The following RNF214 variants were observed in gnomAD, a reference collection of about 807,000 sequenced individuals.
RNF214 encodes the protein ring finger protein 214.
RNF214 carries 25 observed loss-of-function variants against 75.9 expected under a neutral mutation model. The ratio of observed to expected loss-of-function variants is 0.33; its 90% CI spans 0.24 to 0.46. The LOEUF (loss-of-function observed/expected upper bound fraction) is 0.46, where lower values mean the gene tolerates loss of function less well. Among genes scored for constraint, RNF214 ranks in the 20% least tolerant of loss-of-function variants. The pLI, the probability that RNF214 is intolerant of heterozygous loss-of-function variation, is 1.00. For synonymous variants in RNF214, 314 were observed against 308.8 expected (o/e 1.02, Z -0.18); for missense variants, 725 against 857.5 (o/e 0.85, Z 1.93).
chr11:117,256,966 A>G (rs1265197561), intron 6 of RNF214, among the ~76,000 whole-genome samples: 1 of 152,246 alleles, frequency 6.6e-6, no homozygotes, highest in African/African-American at 2.4e-5. Flanking sequence ...AGAAATATTT[A>G]GGATGAGTTG....
chr11:117,253,145 T>C (rs2033441164), intron 6 of RNF214, among the ~76,000 whole-genome samples: 1 of 152,216 alleles, frequency 6.6e-6, no homozygotes, highest in Non-Finnish European at 1.5e-5. Context: ...CCCAAGTAGC[T>C]GGGACTACAG....
At chr11:117,283,003 G>A in intron 13 of RNF214, 112 bp from the exon 14 acceptor site, 1 of 1,004,454 alleles carries the variant, frequency 1.0e-6, no homozygotes, top group South Asian at 1.5e-5. Flanking sequence ...ATCTATATTT[G>A]GATTTTTGTT....
At chr11:117,255,083 G>A (rs976202535) in intron 6 of RNF214, among the ~76,000 whole-genome samples, 1 of 152,200 alleles carries the variant, frequency 6.6e-6, no homozygotes, top group African/African-American at 2.4e-5. Flanking sequence ...GGCCAGGCTA[G>A]TCTTGAACTC....
At chr11:117,249,016 G>A (rs1272329615) in intron 6 of RNF214, among the ~76,000 whole-genome samples, 1 of 151,852 alleles carries the variant, frequency 6.6e-6, no homozygotes, top group African/African-American at 2.4e-5. Flanking sequence ...TCCACCTCCC[G>A]GGTTCAAGTG....
chr11:117,243,220 C>T (rs2033128476), intron 4 of RNF214, among the ~76,000 whole-genome samples: 1 of 152,218 alleles, frequency 6.6e-6, no homozygotes, highest in South Asian at 2.1e-4. Flanking sequence ...AGTCTCTGCT[C>T]ACTGCAACCT....
rs1372120625 is a variant in RNF214, at chr11:117,285,673, G to C, written c.*522G>C. The C allele has an allele frequency of 6.6e-6, 1 of 152,318 alleles. No individual in the cohort carries two copies. The highest frequency in any genetic ancestry group is 1.5e-5 in the Non-Finnish European group (1 of 68,036). 9.4% of individuals were successfully genotyped at this position (152,318 alleles called of 1,614,324 possible). On this transcript the variant is annotated 3_prime_UTR_variant, in exon 15 of 15. Coordinates refer to ENST00000300650, the MANE Select transcript of RNF214 (RefSeq NM_207343.4). ...AAATGGATAAAATGAGACTCTGATTGAGGAAAAAAAAGTAACCCTAGTAGT... is the reference window on the plus strand; with the variant it reads ...AAATGGATAAAATGAGACTCTGATTCAGGAAAAAAAAGTAACCCTAGTAGT...
intron 2 of RNF214, among the ~76,000 whole-genome samples, chr11:117,237,836 C>T (rs1191639273): frequency 6.6e-6 from 1 of 151,996 alleles, no homozygotes; most frequent in East Asian, 1.9e-4. Context: ...AGGTTCTATA[C>T]TCTGGAAAAC....
At chr11:117,246,998 G>A in intron 6 of RNF214, 50 bp downstream of exon 6, 1 of 1,409,250 alleles carries the variant, frequency 7.1e-7, no homozygotes, top group Non-Finnish European at 9.6e-7. Context: ...ATATGCATGA[G>A]GGGCCAGACC....
Position 117,251,964 on chromosome 11 carries a change from G to A in RNF214, c.959+5016G>A, listed in dbSNP as rs1034196285. Among the ~76,000 whole-genome samples the A allele has an allele frequency of 2.0e-5, 3 of 152,198 alleles. No individual in the cohort carries two copies. In the East Asian group the frequency reaches 5.8e-4, roughly 29 times the overall value. ...GCTCACTGCAACCTCCACTTCCTGTGTTCAAGTGATTCTCCTGCCTCAGCC... is the reference window on the plus strand; with the variant it reads ...GCTCACTGCAACCTCCACTTCCTGTATTCAAGTGATTCTCCTGCCTCAGCC... On this transcript the variant is annotated intron_variant, in intron 6 of 14. Coordinates refer to ENST00000300650, the MANE Select transcript of RNF214 (RefSeq NM_207343.4).
At chr11:117,234,147 C>T in intron 1 of RNF214, 120 bp from the exon 2 acceptor site, 1 of 723,266 alleles carries the variant, frequency 1.4e-6, no homozygotes, top group Non-Finnish European at 2.4e-6. Context: ...CTCCCGGAGC[C>T]CAGGTTTTTG....
At chr11:117,251,735 G>T (rs910147241) in intron 6 of RNF214, among the ~76,000 whole-genome samples, 1 of 152,172 alleles carries the variant, frequency 6.6e-6, no homozygotes, top group Non-Finnish European at 1.5e-5. Context: ...GACGTGAAGT[G>T]GGGGAGTGAG....
At chr11:117,252,274 A>G (rs1433513354) in intron 6 of RNF214, among the ~76,000 whole-genome samples, 1 of 152,226 alleles carries the variant, frequency 6.6e-6, no homozygotes. Context: ...GGTTAGCATA[A>G]TTATGGCTGA....
rs370797926 is a variant in RNF214 at position 117,238,688 on chromosome 11, C to T, written c.195C>T (p.Val65=). The change falls in exon 3 of 15, where the codon GTC becomes GTT. Residue 65 remains valine, a synonymous_variant. Coordinates refer to ENST00000300650, the MANE Select transcript of RNF214 (RefSeq NM_207343.4). ...TAACCAAGGAGAATAACAGAAATGT[C>T]CATTTGGAGCACTCAGAGCAGAATC... ...QTITKENNRN[V]HLEHSEQNPG... 1.3e-4 allele frequency: 206 copies of T among 1,613,992 alleles called. No individual in the cohort carries two copies. Among genetic ancestry groups the T allele is most frequent in the Non-Finnish European group, 1.7e-4 (203 of 1,180,028 alleles).
intron 2 of RNF214, among the ~76,000 whole-genome samples, chr11:117,237,444 T>C (rs1008997295): frequency 1.3e-5 from 2 of 152,198 alleles, no homozygotes; most frequent in African/African-American, 4.8e-5. Flanking sequence ...ACGCATCAAC[T>C]TGAATCCCCA....
At chr11:117,258,128 C>T (rs778509778) in intron 6 of RNF214, among the ~76,000 whole-genome samples, 4 of 151,708 alleles carry the variant, frequency 2.6e-5, no homozygotes, top group Non-Finnish European at 5.9e-5. Context: ...GCTCTGTCGC[C>T]AGGCTGGAGC....
intron 4 of RNF214, among the ~76,000 whole-genome samples, chr11:117,243,790 C>T (rs1163853587): frequency 6.6e-6 from 1 of 152,174 alleles, no homozygotes; most frequent in African/African-American, 2.4e-5. Flanking sequence ...CTTCTGGCCT[C>T]AAGCAGTCTT....
At chr11:117,277,574 T>C (rs1270540332) in intron 6 of RNF214, among the ~76,000 whole-genome samples, 1 of 152,206 alleles carries the variant, frequency 6.6e-6, no homozygotes, top group Non-Finnish European at 1.5e-5. Flanking sequence ...AGCAAGAATA[T>C]GTGAGAGGAA....
chr11:117,260,720 T>C (rs1286050194), intron 6 of RNF214, among the ~76,000 whole-genome samples: 1 of 148,258 alleles, frequency 6.7e-6, no homozygotes. Context: ...AATGGCGCGA[T>C]CTTGGCTCAC....
chr11:117,238,980 G>A lies in RNF214; in HGVS notation c.487G>A (p.Gly163Ser), dbSNP rs2032994296. 1.9e-6 allele frequency: 3 copies of A among 1,614,184 alleles called. No homozygotes were observed. The highest frequency in any genetic ancestry group is 2.5e-6 in the Non-Finnish European group (3 of 1,180,040). ...KSPQTSILKE[G>S]NRDTSLDFRP... The stretch of plus-strand genomic sequence containing the variant: ...CCCACAAACCTCCATCCTAAAGGAA[G>A]GTAACAGGGACACAAGCTTGGATTT... Residue 163 changes from glycine to serine, a missense_variant, in exon 3 of 15, where the codon GGT becomes AGT. Around this residue, in one of 2 missense-constraint regions of RNF214, gnomAD observed 362 missense variants for 344.5 expected, o/e 1.05. Coordinates refer to ENST00000300650, the MANE Select transcript of RNF214 (RefSeq NM_207343.4).
Sources: gnomAD v4.1 joint callset for allele counts (sites outside exome capture counted in the v4.1 genomes callset) on GRCh38, gnomAD v4.1.1 for gene constraint, gnomAD v4.1.1 regional missense constraint, MANE v1.5 for transcripts, NCBI Gene and HGNC (gene_info 2026-07-23, HGNC 2026-07-21) for gene names.